The following CNTNAP2 variants were observed in gnomAD, a reference collection of about 807,000 sequenced individuals.
The protein encoded by CNTNAP2 is contactin-associated protein-like 2.
CNTNAP2 carries 98 observed loss-of-function variants against 155.2 expected under a neutral mutation model. The observed-to-expected ratio is 0.63, with a 90% CI of 0.54 to 0.75. The LOEUF (loss-of-function observed/expected upper bound fraction) is 0.75. Among genes scored for constraint, CNTNAP2 ranks in the 30% least tolerant of loss-of-function variants. CNTNAP2 has a pLI of 0.00. For synonymous variants in CNTNAP2, 651 were observed against 631.2 expected, an observed-to-expected ratio of 1.03 and a Z score of -0.47; for missense variants, 1,727 against 1,688.1, an observed-to-expected ratio of 1.02 and a Z score of -0.40.
chr7:146,482,089 A>G (rs185410899), intron 1 of CNTNAP2, among the ~76,000 whole-genome samples: 1 of 151,734 alleles, frequency 6.6e-6, no homozygotes, highest in Non-Finnish European at 1.5e-5. Flanking sequence ...AAAGCAAAAA[A>G]TTGAGTTAGT....
intron 4 of CNTNAP2, among the ~76,000 whole-genome samples, chr7:147,092,754 C>T (rs7807650): frequency 0.67 from 101,379 of 151,960 alleles, 34,746 homozygotes; most frequent in East Asian, 0.85. Flanking sequence ...ATTCTACATA[C>T]CTCTGTACTA....
At chr7:147,661,645 T>C (rs28667326) in intron 13 of CNTNAP2, among the ~76,000 whole-genome samples, 9,240 of 151,804 alleles carry the variant, frequency 0.061, 764 homozygotes, top group Admixed American at 0.17. Context: ...CCCTGCCTGC[T>C]GGGTTCAAGT....
intron 1 of CNTNAP2, among the ~76,000 whole-genome samples, chr7:146,588,581 A>G (rs1200386006): frequency 6.6e-6 from 1 of 151,760 alleles, no homozygotes; most frequent in Middle Eastern, 3.4e-3. Flanking sequence ...ATCACTGCTC[A>G]TTGCAGTCTC....
intron 4 of CNTNAP2, among the ~76,000 whole-genome samples, chr7:147,098,259 T>C (rs1219214539): frequency 6.6e-6 from 1 of 152,158 alleles, no homozygotes; most frequent in Admixed American, 6.5e-5. Flanking sequence ...GGCCCTCAGC[T>C]TCCTCAGGGA....
At chr7:147,511,247 T>C (rs551944267) in intron 11 of CNTNAP2, among the ~76,000 whole-genome samples, 2 of 152,146 alleles carry the variant, frequency 1.3e-5, no homozygotes, top group South Asian at 2.1e-4. Flanking sequence ...ATTTAGTACA[T>C]CGTGAATACC....
intron 8 of CNTNAP2, among the ~76,000 whole-genome samples, chr7:147,182,621 T>TA (rs146741746): frequency 0.022 from 3,274 of 151,522 alleles, 88 homozygotes; most frequent in African/African-American, 0.072. Context: ...AGTATCTTTT[T>TA]AAAAAAAAAC....
chr7:147,606,204 A>C (rs989851458), intron 12 of CNTNAP2, among the ~76,000 whole-genome samples: 7 of 152,192 alleles, frequency 4.6e-5, no homozygotes, highest in Non-Finnish European at 1.0e-4. Context: ...CACTTACCTA[A>C]GTAAGGGTGG....
intron 1 of CNTNAP2, among the ~76,000 whole-genome samples, chr7:146,317,329 A>AT (rs1327590112): frequency 6.6e-6 from 1 of 152,122 alleles, no homozygotes; most frequent in Non-Finnish European, 1.5e-5. Context: ...ACTGCCTTGT[A>AT]TTTTTTTGTC....
chr7:147,091,189 G>A (rs1800395635), intron 4 of CNTNAP2, among the ~76,000 whole-genome samples: 1 of 152,034 alleles, frequency 6.6e-6, no homozygotes, highest in African/African-American at 2.4e-5. Context: ...GACCCAGAAA[G>A]TGAATCGGTT....
At chr7:146,966,582 C>G (rs1192595349) in intron 3 of CNTNAP2, among the ~76,000 whole-genome samples, 2 of 152,212 alleles carry the variant, frequency 1.3e-5, no homozygotes, top group Non-Finnish European at 2.9e-5. Flanking sequence ...TTGAGGGTTT[C>G]ATCCCCAGCC....
At chr7:147,753,621 A>C (rs1229323315) in intron 13 of CNTNAP2, among the ~76,000 whole-genome samples, 1 of 152,242 alleles carries the variant, frequency 6.6e-6, no homozygotes, top group Non-Finnish European at 1.5e-5. Flanking sequence ...ATTATCTTAA[A>C]GATAAAACAG....
chr7:147,257,538 G>A lies in CNTNAP2; in HGVS notation c.1349-42603G>A, dbSNP rs936043179. ...TATTCCTCTCATAAACATTCCTTAGGCACAAAACACACCAAGTTACAATAC... is the reference window on the plus strand; with the variant it reads ...TATTCCTCTCATAAACATTCCTTAGACACAAAACACACCAAGTTACAATAC... On this transcript the variant is annotated intron_variant, in intron 8 of 23. Coordinates refer to ENST00000361727, the MANE Select transcript of CNTNAP2 (RefSeq NM_014141.6). 2.0e-5 allele frequency among the ~76,000 whole-genome samples: 3 copies of A among 152,112 alleles called. No individual in the cohort carries two copies. In the East Asian group the frequency reaches 5.8e-4, roughly 29 times the overall value.
At chr7:146,737,353 T>C (rs1801638340) in intron 1 of CNTNAP2, among the ~76,000 whole-genome samples, 1 of 152,168 alleles carries the variant, frequency 6.6e-6, no homozygotes, top group African/African-American at 2.4e-5. Flanking sequence ...CACCATGTTA[T>C]ACAATAGAAC....
intron 1 of CNTNAP2, among the ~76,000 whole-genome samples, chr7:146,153,924 C>T (rs1344273587): frequency 6.6e-6 from 1 of 152,054 alleles, no homozygotes; most frequent in Non-Finnish European, 1.5e-5. Flanking sequence ...TTATGATCTG[C>T]TCTGCCTCTT....
At chr7:147,986,976 G>A (rs891974679) in intron 15 of CNTNAP2, among the ~76,000 whole-genome samples, 4 of 151,758 alleles carry the variant, frequency 2.6e-5, no homozygotes, top group Middle Eastern at 3.2e-3. Context: ...ACGCCCTGGA[G>A]TGATGTGTAG....
chr7:148,089,888 T>C (rs1207879225), intron 15 of CNTNAP2, among the ~76,000 whole-genome samples: 3 of 151,848 alleles, frequency 2.0e-5, no homozygotes, highest in Non-Finnish European at 4.4e-5. Flanking sequence ...ACCACAAAGC[T>C]ATAGTAATAA....
At chr7:146,470,435 C>A (rs1005005049) in intron 1 of CNTNAP2, among the ~76,000 whole-genome samples, 3 of 152,310 alleles carry the variant, frequency 2.0e-5, no homozygotes, top group African/African-American at 7.2e-5. Flanking sequence ...ACTCCCACTA[C>A]CTGATACGTC....
intron 13 of CNTNAP2, among the ~76,000 whole-genome samples, chr7:147,692,151 T>C (rs113739428): frequency 2.0e-5 from 3 of 152,234 alleles, no homozygotes; most frequent in African/African-American, 4.8e-5. Context: ...TGTAATAATA[T>C]GCATTTAAGC....
rs1800546566 is a variant in CNTNAP2 at position 147,933,517 on chromosome 7, A to G, written c.2255+29796A>G. On this transcript the variant is annotated intron_variant, in intron 14 of 23. Transcript: ENST00000361727. ...GTGAGATAGATAGATAGATAGATAG[A>G]TAGATAGATAGATAGATAGATAGAT... 2.0e-5 allele frequency among the ~76,000 whole-genome samples: 3 copies of G among 152,036 alleles called. No individual in the cohort carries two copies. The South Asian group carries it at 6.2e-4, about 32-fold the overall frequency.
Sources: allele counts gnomAD v4.1 joint callset (sites outside exome capture counted in the v4.1 genomes callset), GRCh38; gene constraint gnomAD v4.1.1; transcripts MANE v1.5; gene names NCBI Gene and HGNC (gene_info 2026-07-23, HGNC 2026-07-21).